GALNT14: variants seen among roughly 807,000 people sequenced by gnomAD.
The protein encoded by GALNT14 is polypeptide N-acetylgalactosaminyltransferase 14.
Under a neutral mutation model 77.5 loss-of-function variants are expected in GALNT14, and 60 were observed. The observed-to-expected ratio is 0.77, with a 90% CI of 0.63 to 0.96. The LOEUF (loss-of-function observed/expected upper bound fraction) is 0.96, where lower values mean the gene tolerates loss of function less well. Ranked by LOEUF, GALNT14 falls within the 40% of genes least tolerant of loss-of-function variation. GALNT14 has a pLI of 0.00. For synonymous variants in GALNT14, 280 were observed against 281.7 expected (o/e 0.99, Z 0.06); for missense variants, 710 against 731.0 (o/e 0.97, Z 0.33).
At chr2:30,965,672 C>A (rs1304468806) in intron 3 of GALNT14, among the ~76,000 whole-genome samples, 1 of 152,160 alleles carries the variant, frequency 6.6e-6, no homozygotes, top group Admixed American at 6.5e-5. Context: ...GATGAGTGGA[C>A]TGAAGCCCAG....
At chr2:30,954,984 T>C (rs1415563873) in intron 6 of GALNT14, among the ~76,000 whole-genome samples, 1 of 152,208 alleles carries the variant, frequency 6.6e-6, no homozygotes, top group Non-Finnish European at 1.5e-5. Context: ...CCACACATTC[T>C]GTAGATCAGT....
chr2:31,023,876 T>C (rs1196124061), intron 1 of GALNT14, among the ~76,000 whole-genome samples: 2 of 152,166 alleles, frequency 1.3e-5, no homozygotes, highest in Non-Finnish European at 2.9e-5. Flanking sequence ...TGACCTCATT[T>C]AGTCCCAAGG....
intron 1 of GALNT14, among the ~76,000 whole-genome samples, chr2:31,103,357 CACTGTTCTTT>C (rs1240647636): frequency 6.6e-6 from 1 of 151,942 alleles, no homozygotes; most frequent in South Asian, 2.1e-4. Flanking sequence ...TATTCCCTTT[CACTGTTCTTT>C]CCACAGAAGC....
At chr2:31,078,888 T>C (rs1274862407) in intron 1 of GALNT14, 3 of 1,286,840 alleles carry the variant, frequency 2.3e-6, no homozygotes, top group Admixed American at 4.6e-5. Context: ...AAAGCAGGGT[T>C]TGGGGACCAG....
At chr2:30,934,021 T>G (rs1665905062) in intron 9 of GALNT14, among the ~76,000 whole-genome samples, 1 of 152,210 alleles carries the variant, frequency 6.6e-6, no homozygotes, top group Non-Finnish European at 1.5e-5. Flanking sequence ...CTTAGATGAC[T>G]TACAGATGCT....
At chr2:30,904,251 C>T in the GALNT14 span, among the ~76,000 whole-genome samples, 11 of 152,338 alleles carry the variant, frequency 7.2e-5, no homozygotes, top group African/African-American at 2.4e-4. Context: ...CAGCTCCCAG[C>T]GTGAGCGACG....
At chr2:30,965,123 G>A (rs62139555) in intron 3 of GALNT14, among the ~76,000 whole-genome samples, 23,283 of 151,932 alleles carry the variant, frequency 0.15, 1,889 homozygotes, top group East Asian at 0.32. Flanking sequence ...TCCTGGCCCC[G>A]AAGGATGCTG....
At chr2:30,946,009 T>C in intron 6 of GALNT14, 139 bp from the exon 7 acceptor site, 1 of 657,616 alleles carries the variant, frequency 1.5e-6, no homozygotes, top group Non-Finnish European at 2.7e-6. Context: ...TGGATCTTAA[T>C]TTTTCCATCT....
At chr2:30,938,784 GAC>G in intron 9 of GALNT14, among the ~76,000 whole-genome samples, 1 of 152,340 alleles carries the variant, frequency 6.6e-6, no homozygotes, top group East Asian at 1.9e-4. Flanking sequence ...GTAGGTCACA[GAC>G]ACTCTGGCCA....
At chr2:31,129,474 A>T in intron 1 of GALNT14, 1 of 985,490 alleles carries the variant, frequency 1.0e-6, no homozygotes, top group Non-Finnish European at 1.2e-6. Flanking sequence ...ACATTAGTCA[A>T]TTCAGCACCC....
the GALNT14 span, among the ~76,000 whole-genome samples, chr2:30,889,138 C>T: frequency 6.6e-6 from 1 of 152,014 alleles, no homozygotes; most frequent in African/African-American, 2.4e-5. Context: ...GTTAGCCACC[C>T]GGATTTATTA....
At chr2:30,938,359 T>TAC (rs151007812) in intron 9 of GALNT14, among the ~76,000 whole-genome samples, 26,296 of 139,874 alleles carry the variant, frequency 0.19, 2,523 homozygotes, top group East Asian at 0.31. Context: ...AGATTCCTTT[T>TAC]ACACACACAC....
intron 1 of GALNT14, among the ~76,000 whole-genome samples, chr2:31,036,951 C>T (rs939632926): frequency 1.2e-4 from 19 of 152,256 alleles, no homozygotes; most frequent in South Asian, 4.1e-4. Flanking sequence ...TTTACTATGA[C>T]GTGTCTAGGT....
At chr2:30,956,038 G>A (rs1667350803) in intron 4 of GALNT14, 61 bp from the exon 5 acceptor site, 25 of 1,538,784 alleles carry the variant, frequency 1.6e-5, no homozygotes, top group African/African-American at 9.5e-5. Flanking sequence ...TGTTACAATT[G>A]TGTGCACTGC....
At chr2:31,065,063 C>T (rs1558539918) in intron 1 of GALNT14, 1 of 151,388 alleles carries the variant, frequency 6.6e-6, no homozygotes, top group Non-Finnish European at 1.5e-5. Flanking sequence ...CAGAAGCAGG[C>T]CCCAAACTGG....
chr2:31,120,413 G>A (rs139796307), intron 1 of GALNT14, among the ~76,000 whole-genome samples: 1 of 152,256 alleles, frequency 6.6e-6, no homozygotes, highest in African/African-American at 2.4e-5. Context: ...AGCAGAGGGT[G>A]GTGAGTGAAA....
chr2:31,083,399 A>G (rs548822865), intron 1 of GALNT14, among the ~76,000 whole-genome samples: 36 of 152,326 alleles, frequency 2.4e-4, no homozygotes, highest in Admixed American at 1.6e-3. Context: ...AAAGGAATGT[A>G]GTGAATCGAT....
chr2:31,082,986 C>A (rs1676230655), intron 1 of GALNT14, among the ~76,000 whole-genome samples: 1 of 151,992 alleles, frequency 6.6e-6, no homozygotes, highest in African/African-American at 2.4e-5. Context: ...CCACTGCACT[C>A]CAGCCTGGTG....
At chr2:30,918,732 GGGTATCAGGCAGGGAGGGT>G in intron 13 of GALNT14, among the ~76,000 whole-genome samples, 1 of 123,282 alleles carries the variant, frequency 8.1e-6, no homozygotes, top group African/African-American at 3.1e-5. Context: ...GCAGGGAGGG[GGGTATCAGGCAGGGAGGGT>G]GGCATCAGGC....
Sources: gnomAD v4.1 joint callset for allele counts (sites outside exome capture counted in the v4.1 genomes callset) on GRCh38, gnomAD v4.1.1 for gene constraint, MANE v1.5 for transcripts, NCBI Gene and HGNC (gene_info 2026-07-23, HGNC 2026-07-21) for gene names.